ANKRD42: variants seen among roughly 807,000 people sequenced by gnomAD.
ANKRD42 encodes ankyrin repeat domain 42.
Under a neutral mutation model 51.5 loss-of-function variants are expected in ANKRD42, and 43 were observed. That is an observed-to-expected ratio of 0.83 (90% CI 0.65 to 1.08). The LOEUF is 1.08. Ranked by LOEUF, ANKRD42 falls within the 50% of genes least tolerant of loss-of-function variation. The pLI, the probability that ANKRD42 is intolerant of heterozygous loss-of-function variation, is 0.00. For synonymous variants in ANKRD42, 203 were observed against 213.0 expected, an observed-to-expected ratio of 0.95 and a Z score of 0.41; for missense variants, 608 against 629.3, an observed-to-expected ratio of 0.97 and a Z score of 0.36.
Position 83,225,000 on chromosome 11 carries a change from T to C in ANKRD42, c.732T>C (p.Ile244=). 16 of 1,613,248 alleles carry C rather than the reference T, an allele frequency of 9.9e-6. No homozygotes were observed. The highest frequency in any genetic ancestry group is 1.4e-5 in the Non-Finnish European group (16 of 1,179,490). ...CCCAGAGGTTCTTCAAGCAGAACAT[T>C]TTACAGTTTATCCAGGGGGCTGAGT... is the stretch of plus-strand genomic sequence containing the variant. ...DLAQRFFKQN[I]LQFIQGAEYE... The change falls in exon 6 of 11, where the codon ATT becomes ATC. Residue 244 remains isoleucine, a synonymous_variant. Coordinates refer to ENST00000533342, the MANE Select transcript of ANKRD42 (RefSeq NM_001300975.2).
intron 7 of ANKRD42, among the ~76,000 whole-genome samples, chr11:83,233,775 C>T (rs929994472): frequency 6.6e-5 from 10 of 152,136 alleles, no homozygotes; most frequent in African/African-American, 1.4e-4. Flanking sequence ...CTCCACCTTC[C>T]GGGTTCAAGC....
chr11:83,214,685 T>C (rs1375814414), intron 5 of ANKRD42: 1 of 444,346 alleles, frequency 2.3e-6, no homozygotes, highest in Non-Finnish European at 3.0e-6. Context: ...CAAATCAAGG[T>C]AATTGGGGTA....
At position 83,219,243 on chromosome 11, in the gene ANKRD42, T is replaced by C. The variant is rs574012508; in HGVS notation, c.587-5612T>C. Among the ~76,000 whole-genome samples, 10 of 152,350 alleles carry C rather than the reference T, an allele frequency of 6.6e-5. No homozygotes were observed. The East Asian group carries it at 1.9e-3, about 29-fold the overall frequency. ...TTCCATCTACCGGATTTAACCATGCTTACCAGCGGGATGGAAACGTCCCTT... is the reference window on the plus strand; with the variant it reads ...TTCCATCTACCGGATTTAACCATGCCTACCAGCGGGATGGAAACGTCCCTT... On this transcript the variant is annotated intron_variant, in intron 5 of 10. Transcript: ENST00000533342.
At chr11:83,220,515 G>A (rs948174140) in intron 5 of ANKRD42, among the ~76,000 whole-genome samples, 6 of 152,170 alleles carry the variant, frequency 3.9e-5, no homozygotes, top group East Asian at 1.9e-4. Flanking sequence ...GTGGCTGACC[G>A]CGGTGAGTCA....
At chr11:83,261,942 A>G, downstream of ANKRD42, 3 of 1,602,420 alleles carry the variant, frequency 1.9e-6, no homozygotes, top group Non-Finnish European at 2.6e-6. Context: ...TCCCAATGCT[A>G]TTGCCAGGCA....
chr11:83,222,432 A>G (rs1464571030), intron 5 of ANKRD42, among the ~76,000 whole-genome samples: 5 of 152,174 alleles, frequency 3.3e-5, no homozygotes, highest in Non-Finnish European at 2.9e-5. Context: ...AATGAGCAAA[A>G]TATATATTAT....
At chr11:83,256,221 G>A, downstream of ANKRD42, 1 of 188,188 alleles carries the variant, frequency 5.3e-6, no homozygotes, top group Admixed American at 5.8e-5. Context: ...ATATTAGCTG[G>A]TATAGTAATC....
At chr11:83,251,568 C>T (rs978117270), downstream of ANKRD42, among the ~76,000 whole-genome samples, 2 of 152,148 alleles carry the variant, frequency 1.3e-5, no homozygotes, top group Non-Finnish European at 2.9e-5. Context: ...TGATTTCAAC[C>T]TGTCTAGCCC....
At chr11:83,200,140 C>T (rs908708257) in intron 2 of ANKRD42, among the ~76,000 whole-genome samples, 13 of 151,916 alleles carry the variant, frequency 8.6e-5, no homozygotes, top group Non-Finnish European at 1.6e-4. Flanking sequence ...TTTTACTCTG[C>T]CATATTCTAA....
Position 83,243,593 on chromosome 11 carries a change from G to A in ANKRD42, c.1196-1905G>A, listed in dbSNP as rs184965365. On this transcript the variant is annotated intron_variant, in intron 9 of 10. Coordinates refer to ENST00000533342, the MANE Select transcript of ANKRD42 (RefSeq NM_001300975.2). The stretch of plus-strand genomic sequence containing the variant: ...AATCCCCTCTATCTTCTTACTAGTG[G>A]TTATGGTGGTTCCCAAACCTGTCTG... Among the ~76,000 whole-genome samples the A allele has an allele frequency of 2.0e-5, 3 of 152,186 alleles. No homozygotes were observed. The East Asian group carries it at 5.8e-4, about 29-fold the overall frequency.
chr11:83,257,298 C>G (rs753433922), downstream of ANKRD42: 1 of 455,714 alleles, frequency 2.2e-6, no homozygotes, highest in South Asian at 1.5e-5. Context: ...CCAAAACCAG[C>G]GACAGATCTT....
intron 7 of ANKRD42, among the ~76,000 whole-genome samples, chr11:83,228,598 G>C (rs1157334868): frequency 6.6e-6 from 1 of 152,114 alleles, no homozygotes; most frequent in Non-Finnish European, 1.5e-5. Flanking sequence ...AATCGTGTTT[G>C]AATTGGACTT....
At chr11:83,230,341 T>A (rs1863029844) in intron 7 of ANKRD42, among the ~76,000 whole-genome samples, 1 of 152,148 alleles carries the variant, frequency 6.6e-6, no homozygotes, top group South Asian at 2.1e-4. Flanking sequence ...CATGAGCCAC[T>A]GCATCCAGTC....
At chr11:83,254,772 T>C (rs1309977460) in intron 11 of ANKRD42, among the ~76,000 whole-genome samples, 1 of 152,228 alleles carries the variant, frequency 6.6e-6, no homozygotes, top group Non-Finnish European at 1.5e-5. Flanking sequence ...TTTGTATGTA[T>C]AGTATGAAGA....
intron 9 of ANKRD42, among the ~76,000 whole-genome samples, chr11:83,244,556 G>A (rs1863486802): frequency 6.6e-6 from 1 of 152,100 alleles, no homozygotes; most frequent in Admixed American, 6.6e-5. Flanking sequence ...ACTGTGAGAT[G>A]TTTAGTAGCA....
chr11:83,238,187 C>A (rs1027679724), intron 8 of ANKRD42, among the ~76,000 whole-genome samples: 1 of 152,002 alleles, frequency 6.6e-6, no homozygotes, highest in African/African-American at 2.4e-5. Flanking sequence ...TTCCATAATT[C>A]GATTATCCAC....
intron 5 of ANKRD42, chr11:83,215,040 C>T (rs903382146): frequency 2.0e-5 from 3 of 152,208 alleles, no homozygotes; most frequent in African/African-American, 7.2e-5. Context: ...TTCCATCCAT[C>T]TTGTGGCACT....
intron 5 of ANKRD42, among the ~76,000 whole-genome samples, chr11:83,223,196 G>T (rs936974166): frequency 1.3e-5 from 2 of 152,128 alleles, no homozygotes; most frequent in Non-Finnish European, 2.9e-5. Context: ...GTTTCAGTGA[G>T]CCAAGATTGC....
At chr11:83,226,370 T>C (rs1862886084) in intron 6 of ANKRD42, among the ~76,000 whole-genome samples, 1 of 152,246 alleles carries the variant, frequency 6.6e-6, no homozygotes. Context: ...AGTAAGCACT[T>C]GTAAGGATTG....
Sources: gnomAD v4.1 joint callset for allele counts (sites outside exome capture counted in the v4.1 genomes callset) on GRCh38, gnomAD v4.1.1 for gene constraint, MANE v1.5 for transcripts, NCBI Gene and HGNC (gene_info 2026-07-23, HGNC 2026-07-21) for gene names.